Variants in RAD23B observed in about 807,000 individuals in gnomAD.
The protein encoded by RAD23B is RAD23 nucleotide excision repair protein B.
In RAD23B, 5 loss-of-function variants were observed where a neutral mutation model predicts 49.1. That is an observed-to-expected ratio of 0.10 (90% CI 0.05 to 0.21). RAD23B has a LOEUF of 0.21. Among genes scored for constraint, RAD23B ranks in the 10% least tolerant of loss-of-function variants. The pLI is 1.00. For synonymous variants in RAD23B, 184 were observed against 165.4 expected, an observed-to-expected ratio of 1.11 and a Z score of -0.86; for missense variants, 356 against 486.7, an observed-to-expected ratio of 0.73 and a Z score of 2.53.
intron 2 of RAD23B, 85 bp downstream of exon 2, chr9:107,300,307 T>A: frequency 7.3e-7 from 1 of 1,368,868 alleles, no homozygotes; most frequent in Non-Finnish European, 9.6e-7. Context: ...TGTAGTATAT[T>A]CAAATTGTCA....
intron 9 of RAD23B, among the ~76,000 whole-genome samples, chr9:107,325,313 C>CAA (rs34042765): frequency 0.013 from 781 of 61,340 alleles, 25 homozygotes; most frequent in South Asian, 0.025. Flanking sequence ...GACTCTGTCT[C>CAA]AAAAAAAAAA....
chr9:107,319,493 A>G (rs1827067121), intron 6 of RAD23B, among the ~76,000 whole-genome samples: 1 of 152,140 alleles, frequency 6.6e-6, no homozygotes, highest in Non-Finnish European at 1.5e-5. Flanking sequence ...TTTCTGTAAT[A>G]AGTTGCCAGC....
intron 3 of RAD23B, 102 bp from the exon 4 acceptor site, chr9:107,306,277 A>G (rs1826770984): frequency 3.7e-6 from 4 of 1,088,424 alleles, no homozygotes; most frequent in Non-Finnish European, 5.3e-6. Context: ...ATAGGTTGTT[A>G]TTAGTGCTAT....
intron 5 of RAD23B, among the ~76,000 whole-genome samples, chr9:107,313,403 T>G (rs1826928609): frequency 6.6e-6 from 1 of 152,082 alleles, no homozygotes; most frequent in African/African-American, 2.4e-5. Flanking sequence ...TTTTGTGTAT[T>G]TTTAGTAGAG....
At chr9:107,298,844 A>T (rs1442085890) in intron 1 of RAD23B, among the ~76,000 whole-genome samples, 1 of 151,886 alleles carries the variant, frequency 6.6e-6, no homozygotes, top group Non-Finnish European at 1.5e-5. Flanking sequence ...GTTTGGCTTT[A>T]AAAAAATTTT....
chr9:107,325,801 A>G (rs1564253478), intron 9 of RAD23B, among the ~76,000 whole-genome samples: 1 of 152,158 alleles, frequency 6.6e-6, no homozygotes, highest in Non-Finnish European at 1.5e-5. Flanking sequence ...AACCAACAAC[A>G]TCCTTGTCTG....
intron 5 of RAD23B, among the ~76,000 whole-genome samples, chr9:107,315,879 A>G (rs1826982465): frequency 6.6e-6 from 1 of 152,108 alleles, no homozygotes; most frequent in Non-Finnish European, 1.5e-5. Context: ...CACATTGCTT[A>G]TGGGTATTTT....
At chr9:107,324,117 TGA>T in intron 8 of RAD23B, 100 bp downstream of exon 8, 5 of 1,280,196 alleles carry the variant, frequency 3.9e-6, no homozygotes, top group Non-Finnish European at 5.5e-6. Context: ...ACTCTGTATT[TGA>T]GAATGTGAAT....
intron 1 of RAD23B, among the ~76,000 whole-genome samples, chr9:107,298,474 ATTTT>A (rs35923233): frequency 7.5e-5 from 4 of 53,112 alleles, no homozygotes; most frequent in African/African-American, 4.1e-4. Context: ...TGCTTGGCTA[ATTTT>A]TTTTTTTTTT....
chr9:107,313,328 C>T (rs7026973), intron 5 of RAD23B, among the ~76,000 whole-genome samples: 97,376 of 151,892 alleles, frequency 0.64, 31,337 homozygotes, highest in East Asian at 0.74. Context: ...CAGGTTTAAG[C>T]GATTCTCCCG....
chr9:107,301,827 C>T (rs1826660602), intron 2 of RAD23B, among the ~76,000 whole-genome samples: 1 of 152,238 alleles, frequency 6.6e-6, no homozygotes, highest in South Asian at 2.1e-4. Context: ...AGGTGTGAGC[C>T]ACCATGCCCT....
At chr9:107,312,731 G>A (rs1181377789) in intron 5 of RAD23B, among the ~76,000 whole-genome samples, 1 of 152,162 alleles carries the variant, frequency 6.6e-6, no homozygotes, top group Non-Finnish European at 1.5e-5. Flanking sequence ...CTTAATCTTA[G>A]GAAATTGTTA....
rs781683465 is a variant in RAD23B, at chr9:107,283,670, A to G, written c.41A>G (p.Lys14Arg). 3.3e-5 allele frequency: 49 copies of G among 1,482,516 alleles called. No homozygotes were observed. Among genetic ancestry groups the G allele is most frequent in the African/African-American group, 4.4e-5 (3 of 67,916 alleles). 91.8% of individuals were successfully genotyped at this position (1,482,516 alleles called of 1,614,324 possible). Residue 14 changes from lysine (K) to arginine (R), a missense_variant, in exon 1 of 10, where the codon AAG becomes AGG. Transcript: ENST00000358015. ...TLKTLQQQTF[K>R]IDIDPEETVK... Reference sequence around the variant, plus strand: ...AAGACCCTCCAGCAGCAGACCTTCAAGATAGACATTGACCCCGAGGAGACG... The same window carrying G: ...AAGACCCTCCAGCAGCAGACCTTCAGGATAGACATTGACCCCGAGGAGACG...
chr9:107,307,724 A>G (rs1377010877), intron 4 of RAD23B, among the ~76,000 whole-genome samples: 1 of 152,198 alleles, frequency 6.6e-6, no homozygotes, highest in African/African-American at 2.4e-5. Flanking sequence ...TTAGTCAACC[A>G]TGTTTGGAGG....
chr9:107,300,690 A>G (rs1278798175), intron 2 of RAD23B, among the ~76,000 whole-genome samples: 2 of 152,214 alleles, frequency 1.3e-5, no homozygotes, highest in Non-Finnish European at 2.9e-5. Flanking sequence ...CAGTAAGGAA[A>G]GGATGACCAA....
chr9:107,329,498 C>T (rs547280220), intron 9 of RAD23B, 45 bp from the exon 10 acceptor site: 5 of 1,157,194 alleles, frequency 4.3e-6, no homozygotes, highest in African/African-American at 1.5e-5. Flanking sequence ...TTAAATGTGC[C>T]ATAATTGGTG....
At chr9:107,314,130 C>T (rs113376420) in intron 5 of RAD23B, among the ~76,000 whole-genome samples, 1 of 152,216 alleles carries the variant, frequency 6.6e-6, no homozygotes, top group African/African-American at 2.4e-5. Context: ...AAGCAACTCT[C>T]ATGGGGTCTT....
chr9:107,313,862 T>C (rs898703724), intron 5 of RAD23B, among the ~76,000 whole-genome samples: 1 of 151,940 alleles, frequency 6.6e-6, no homozygotes, highest in Non-Finnish European at 1.5e-5. Context: ...CTGTTTCTTT[T>C]CTTTTCCTTT....
At chr9:107,285,213 C>A (rs941713935) in intron 1 of RAD23B, among the ~76,000 whole-genome samples, 1 of 152,170 alleles carries the variant, frequency 6.6e-6, no homozygotes, top group Non-Finnish European at 1.5e-5. Context: ...ACTGACAGTA[C>A]TAATAGAATC....
Sources: gnomAD v4.1 joint callset for allele counts (sites outside exome capture counted in the v4.1 genomes callset) on GRCh38, gnomAD v4.1.1 for gene constraint, MANE v1.5 for transcripts, NCBI Gene and HGNC (gene_info 2026-07-23, HGNC 2026-07-21) for gene names.